ZFHX4: variants seen among roughly 807,000 people sequenced by gnomAD.
The protein encoded by ZFHX4 is zinc finger homeobox 4, also known as zinc finger homeobox protein 4.
ZFHX4 carries 56 observed loss-of-function variants against 267.6 expected under a neutral mutation model. The ratio of observed to expected loss-of-function variants is 0.21; its 90% CI spans 0.17 to 0.26. ZFHX4 has a LOEUF of 0.26. ZFHX4 is among the 10% of genes least tolerant of loss of function. The pLI, the probability that ZFHX4 is intolerant of heterozygous loss-of-function variation, is 1.00. For synonymous variants in ZFHX4, 1,778 were observed against 1,665.6 expected (o/e 1.07, Z -1.64); for missense variants, 4,332 against 4,420.0 (o/e 0.98, Z 0.56).
intron 4 of ZFHX4, among the ~76,000 whole-genome samples, chr8:76,780,853 T>G (rs772444489): frequency 7.2e-5 from 11 of 152,116 alleles, no homozygotes; most frequent in Admixed American, 2.6e-4. Flanking sequence ...CAATTTGAAG[T>G]GAGACACATT....
intron 3 of ZFHX4, among the ~76,000 whole-genome samples, chr8:76,774,689 A>T (rs1810359044): frequency 2.0e-5 from 3 of 152,140 alleles, no homozygotes; most frequent in Admixed American, 2.0e-4. Flanking sequence ...TTAAAAAAGA[A>T]TATAATTTTC....
At position 76,833,412 on chromosome 8, in the gene ZFHX4, G is replaced by T; in HGVS notation, c.3394+6G>T. 1.3e-6 allele frequency: 2 copies of T among 1,598,672 alleles called. No homozygotes were observed. Among genetic ancestry groups the T allele is most frequent in the Admixed American group, 1.7e-5 (1 of 58,346 alleles). The stretch of plus-strand genomic sequence containing the variant: ...GCAGTTGAGATCGACCTCAGGTAAT[G>T]GTTCCTACTCCTTCTCAAAATATTT... On this transcript the variant is annotated splice_donor_region_variant and intron_variant, in intron 5 of 10. Transcript: ENST00000651372.
intron 3 of ZFHX4, among the ~76,000 whole-genome samples, chr8:76,745,229 C>T (rs1193045661): frequency 2.0e-5 from 3 of 152,112 alleles, no homozygotes; most frequent in Non-Finnish European, 4.4e-5. Context: ...TGCTCTATGA[C>T]CCTCCCTCCT....
chr8:76,791,826 A>AT (rs1810845856), intron 4 of ZFHX4, among the ~76,000 whole-genome samples: 1 of 152,166 alleles, frequency 6.6e-6, no homozygotes, highest in South Asian at 2.1e-4. Flanking sequence ...AATGTGTAAG[A>AT]TTCAGTATGT....
At chr8:76,685,868 C>T (rs1263835999) in intron 1 of ZFHX4, among the ~76,000 whole-genome samples, 1 of 152,190 alleles carries the variant, frequency 6.6e-6, no homozygotes, top group Admixed American at 6.5e-5. Flanking sequence ...AATGACTTAG[C>T]TGATCTATGT....
intron 1 of ZFHX4, chr8:76,682,692 T>C: frequency 6.5e-6 from 1 of 153,408 alleles, no homozygotes; most frequent in Non-Finnish European, 1.4e-5. Context: ...CGTGTGCGTG[T>C]GTGTGTGTGT....
At chr8:76,729,271 T>A (rs923332576) in intron 3 of ZFHX4, among the ~76,000 whole-genome samples, 6 of 152,114 alleles carry the variant, frequency 3.9e-5, no homozygotes, top group African/African-American at 7.2e-5. Context: ...GTGTGCCTTC[T>A]GCTTTGAAGG....
intron 1 of ZFHX4, among the ~76,000 whole-genome samples, chr8:76,691,195 G>C (rs552725053): frequency 6.6e-6 from 1 of 152,206 alleles, no homozygotes; most frequent in South Asian, 2.1e-4. Flanking sequence ...TTCTCTGAGA[G>C]AGTGAGCTCT....
rs770248902 is a variant in ZFHX4, at chr8:76,855,641, C to T, written c.8720C>T (p.Pro2907Leu). 3 of 1,613,840 alleles carry T rather than the reference C, an allele frequency of 1.9e-6. No individual in the cohort carries two copies. The highest frequency in any genetic ancestry group is 1.1e-5 in the South Asian group (1 of 91,068). The part of the protein sequence containing the change: ...DRSETSSIAD[P>L]SSPNPFGSSN... ...AGCGAAACGTCCAGCATAGCGGACC[C>T]GAGCTCCCCAAATCCATTCGGATCC... The change falls in exon 10 of 11, where the codon CCG becomes CTG. Residue 2907 changes from proline (P) to leucine (L), a missense_variant. Physicochemically the swap from Pro to Leu is moderately conservative, Grantham distance 98. Coordinates refer to ENST00000651372, the MANE Select transcript of ZFHX4 (RefSeq NM_024721.5).
At chr8:76,822,624 GTAGAGATGGGGTCTTACTGTCT>G (rs2131868161) in intron 4 of ZFHX4, among the ~76,000 whole-genome samples, 1 of 151,768 alleles carries the variant, frequency 6.6e-6, no homozygotes, top group South Asian at 2.1e-4. Context: ...TTTGTTTGTT[GTAGAGATGGGGTCTTACTGTCT>G]TGAACTTCTT....
intron 3 of ZFHX4, among the ~76,000 whole-genome samples, chr8:76,742,969 C>CAG (rs1284728530): frequency 8.5e-5 from 13 of 152,098 alleles, no homozygotes; most frequent in East Asian, 5.8e-4. Flanking sequence ...TGAGAAAACA[C>CAG]ACACATCCCT....
chr8:76,818,470 G>A (rs186403395), intron 4 of ZFHX4, among the ~76,000 whole-genome samples: 263 of 152,276 alleles, frequency 1.7e-3, no homozygotes, highest in Non-Finnish European at 3.0e-3. Context: ...AAATAAGAAA[G>A]TACCAAAGCT....
intron 1 of ZFHX4, among the ~76,000 whole-genome samples, chr8:76,685,633 G>A (rs1255211566): frequency 1.3e-5 from 2 of 152,124 alleles, no homozygotes; most frequent in African/African-American, 4.8e-5. Context: ...ATCAATTGAA[G>A]CTTCTTTCTT....
chr8:76,748,306 C>T (rs1162473259), intron 3 of ZFHX4, among the ~76,000 whole-genome samples: 1 of 152,212 alleles, frequency 6.6e-6, no homozygotes, highest in African/African-American at 2.4e-5. Context: ...AGAACATCTT[C>T]TCTCCGATTT....
At chr8:76,832,486 G>C (rs1325871622) in intron 4 of ZFHX4, among the ~76,000 whole-genome samples, 3 of 152,112 alleles carry the variant, frequency 2.0e-5, no homozygotes, top group Admixed American at 1.3e-4. Context: ...GAGATTTTAT[G>C]AGGGATTGGA....
intron 3 of ZFHX4, among the ~76,000 whole-genome samples, chr8:76,770,544 T>A (rs1265631358): frequency 1.3e-5 from 2 of 152,046 alleles, no homozygotes; most frequent in African/African-American, 4.8e-5. Context: ...GAATTGGAGA[T>A]AAAATAATGA....
chr8:76,833,520 C>T, intron 5 of ZFHX4, 114 bp downstream of exon 5: 1 of 735,186 alleles, frequency 1.4e-6, no homozygotes, highest in Non-Finnish European at 2.2e-6. Context: ...TAGATCTGAT[C>T]ATATGCCTTA....
intron 4 of ZFHX4, among the ~76,000 whole-genome samples, chr8:76,814,049 T>A (rs1174648511): frequency 2.6e-5 from 4 of 152,182 alleles, no homozygotes; most frequent in Non-Finnish European, 5.9e-5. Flanking sequence ...CATGCTATTC[T>A]TCCGTAACAT....
intron 3 of ZFHX4, among the ~76,000 whole-genome samples, chr8:76,731,527 A>G (rs937434198): frequency 6.6e-6 from 1 of 152,196 alleles, no homozygotes; most frequent in Non-Finnish European, 1.5e-5. Context: ...TATTAGCAGT[A>G]CATGGCCAGT....
Sources: allele counts gnomAD v4.1 joint callset (sites outside exome capture counted in the v4.1 genomes callset), GRCh38; gene constraint gnomAD v4.1.1; transcripts MANE v1.5; gene names NCBI Gene and HGNC (gene_info 2026-07-23, HGNC 2026-07-21).